Variants in TLK2 observed in about 807,000 individuals in gnomAD.
TLK2 encodes the protein serine/threonine-protein kinase tousled-like 2.
Under a neutral mutation model 117.3 loss-of-function variants are expected in TLK2, and 6 were observed. The observed-to-expected ratio is 0.05, with a 90% CI of 0.03 to 0.10. The LOEUF (loss-of-function observed/expected upper bound fraction) is 0.10. TLK2 is among the 10% of genes least tolerant of loss of function. The pLI, the probability that TLK2 is intolerant of heterozygous loss-of-function variation, is 1.00. For synonymous variants in TLK2, 257 were observed against 316.7 expected, an observed-to-expected ratio of 0.81 and a Z score of 2.00; for missense variants, 299 against 901.2, an observed-to-expected ratio of 0.33 and a Z score of 8.56.
At chr17:62,563,225 A>G (rs1307670410) in intron 10 of TLK2, among the ~76,000 whole-genome samples, 1 of 152,232 alleles carries the variant, frequency 6.6e-6, no homozygotes, top group African/African-American at 2.4e-5. Flanking sequence ...GGGTGGGCGA[A>G]TAAGACACAT....
intron 21 of TLK2, among the ~76,000 whole-genome samples, chr17:62,608,687 C>T (rs1163102770): frequency 6.6e-6 from 1 of 152,176 alleles, no homozygotes; most frequent in East Asian, 1.9e-4. Flanking sequence ...CCCCATGATT[C>T]AGTTACCTCC....
chr17:62,494,994 C>T (rs574520621), intron 2 of TLK2, among the ~76,000 whole-genome samples: 4 of 152,078 alleles, frequency 2.6e-5, no homozygotes, highest in East Asian at 1.9e-4. Flanking sequence ...GGTGAAACCC[C>T]GTCTTTACTA....
upstream of TLK2, among the ~76,000 whole-genome samples, chr17:62,476,962 T>A (rs1035507519): frequency 6.6e-6 from 1 of 151,088 alleles, no homozygotes; most frequent in Non-Finnish European, 1.5e-5. Context: ...TGGTAGCGCG[T>A]GCCTGTAATC....
At chr17:62,552,540 G>C in intron 8 of TLK2, 143 bp downstream of exon 8, 1 of 1,397,356 alleles carries the variant, frequency 7.2e-7, no homozygotes, top group East Asian at 2.5e-5. Flanking sequence ...TTCATAACTT[G>C]CATTATGGGT....
chr17:62,544,514 A>G (rs1336554913), intron 7 of TLK2, among the ~76,000 whole-genome samples: 2 of 152,124 alleles, frequency 1.3e-5, no homozygotes, highest in Non-Finnish European at 2.9e-5. Flanking sequence ...CCCCTGACAT[A>G]TGAGGAGTAC....
chr17:62,516,791 C>T, intron 2 of TLK2: 1 of 1,422,256 alleles, frequency 7.0e-7, no homozygotes, highest in Middle Eastern at 2.4e-4. Flanking sequence ...GGGTCCGGGG[C>T]CGGGGCTGGA....
chr17:62,475,862 G>A (rs149797289), upstream of TLK2, among the ~76,000 whole-genome samples: 2,449 of 148,196 alleles, frequency 0.017, 50 homozygotes, highest in African/African-American at 0.057. Flanking sequence ...GGGTTTCACC[G>A]TGTTAAGACA....
chr17:62,602,280 A>G (rs2082926620), intron 19 of TLK2, 100 bp downstream of exon 19: 4 of 1,297,302 alleles, frequency 3.1e-6, no homozygotes, highest in African/African-American at 1.5e-5. Context: ...TCTGCTAGGC[A>G]AAAATGCCAT....
chr17:62,569,383 A>G (rs997679820), intron 11 of TLK2, among the ~76,000 whole-genome samples: 2 of 150,942 alleles, frequency 1.3e-5, no homozygotes, highest in Non-Finnish European at 2.9e-5. Context: ...GATGAAATAG[A>G]TAACAGATTA....
chr17:62,533,727 G>A (rs1016146044), intron 6 of TLK2, among the ~76,000 whole-genome samples: 36 of 152,046 alleles, frequency 2.4e-4, no homozygotes, highest in African/African-American at 8.2e-4. Flanking sequence ...TTTGCCCATC[G>A]CGGCCTCCCA....
chr17:62,533,500 A>G (rs1406019760), intron 6 of TLK2, among the ~76,000 whole-genome samples: 2 of 144,484 alleles, frequency 1.4e-5, no homozygotes, highest in East Asian at 2.0e-4. Flanking sequence ...TTTTTGAGAC[A>G]GGGTCTTGCT....
chr17:62,504,654 T>A (rs376963742), intron 2 of TLK2, among the ~76,000 whole-genome samples: 1 of 151,764 alleles, frequency 6.6e-6, no homozygotes, highest in Non-Finnish European at 1.5e-5. Flanking sequence ...AAAATTAAAT[T>A]AAAAAAAGCC....
intron 6 of TLK2, among the ~76,000 whole-genome samples, chr17:62,531,514 C>T (rs1375799067): frequency 1.3e-5 from 2 of 152,118 alleles, no homozygotes. Context: ...TTTTATGAAT[C>T]TGTTTCTGGT....
intron 2 of TLK2, chr17:62,507,301 T>C (rs1415780371): frequency 6.6e-6 from 1 of 152,120 alleles, no homozygotes; most frequent in Non-Finnish European, 1.5e-5. Flanking sequence ...AGGTAAACTT[T>C]TTTTCACTTG....
In TLK2 at chr17:62,536,337, A is replaced by G; in HGVS notation, c.531A>G (p.Ser177=). 1 of 1,611,348 alleles carries G rather than the reference A, an allele frequency of 6.2e-7. No homozygotes were observed. Among genetic ancestry groups the G allele is most frequent in the South Asian group, 1.1e-5 (1 of 90,658 alleles). ...CTGGCCTCTGCTTCACTTTTGTTTC[A>G]GTGAGTACAAAGCCTAAGTTAATTC... ...RGAGLCFTFV[S]AQQNSPSSTG... is the part of the protein sequence containing the mutation. The change falls in exon 7 of 22, where the codon TCA becomes TCG. Residue 177 remains serine, a splice_region_variant and synonymous_variant. Transcript: ENST00000346027.
intron 7 of TLK2, among the ~76,000 whole-genome samples, chr17:62,540,239 C>T (rs2077421191): frequency 6.7e-6 from 1 of 149,252 alleles, no homozygotes; most frequent in Admixed American, 6.7e-5. Flanking sequence ...TGCCTGACTT[C>T]CACAGCCTTC....
chr17:62,567,117 A>G (rs148900406), intron 11 of TLK2, among the ~76,000 whole-genome samples: 1,887 of 152,226 alleles, frequency 0.012, 18 homozygotes, highest in Non-Finnish European at 0.017. Context: ...GGTCCCAGCT[A>G]CTTGGGAGGC....
intron 2 of TLK2, among the ~76,000 whole-genome samples, chr17:62,507,981 T>A (rs1469128399): frequency 6.6e-6 from 1 of 152,116 alleles, no homozygotes; most frequent in African/African-American, 2.4e-5. Flanking sequence ...GTCCATTTGA[T>A]TTTTTTACTT....
chr17:62,578,333 T>G, intron 13 of TLK2, 144 bp from the exon 14 acceptor site: 1 of 681,710 alleles, frequency 1.5e-6, no homozygotes, highest in Non-Finnish European at 2.5e-6. Context: ...ATTTTTATGA[T>G]TAAAATTCTT....
Sources: allele counts gnomAD v4.1 joint callset (sites outside exome capture counted in the v4.1 genomes callset), GRCh38; gene constraint gnomAD v4.1.1; transcripts MANE v1.5; gene names NCBI Gene and HGNC (gene_info 2026-07-23, HGNC 2026-07-21).